KDM6A: variants seen among roughly 807,000 people sequenced by gnomAD.
The protein encoded by KDM6A is lysine demethylase 6A, also known as lysine-specific demethylase 6A.
A neutral mutation model predicts 117.6 loss-of-function variants in KDM6A; 11 were observed. The ratio of observed to expected loss-of-function variants is 0.09; its 90% confidence interval spans 0.06 to 0.15. The LOEUF (loss-of-function observed/expected upper bound fraction) is 0.15, where lower values mean the gene tolerates loss of function less well. Ranked by LOEUF, KDM6A falls within the 10% of genes least tolerant of loss-of-function variation. The pLI is 1.00. For synonymous variants in KDM6A, 384 were observed against 396.1 expected, an observed-to-expected ratio of 0.97 and a Z score of 0.36; for missense variants, 799 against 1,077.3, an observed-to-expected ratio of 0.74 and a Z score of 3.62.
rs2034380332 is a variant in KDM6A, at chrX:44,902,032, G to A, written c.225+28045G>A. On this transcript the variant is annotated intron_variant, in intron 2 of 29. Coordinates refer to ENST00000611820, the MANE Select transcript of KDM6A (RefSeq NM_001291415.2). ...ACCTGAGGTCAGGAGTTTGAGACCA[G>A]CCTGGCCAACATGGCAATACCCCTT... Among the ~76,000 whole-genome samples, 4 of 112,037 alleles carry A rather than the reference G, an allele frequency of 3.6e-5. No individual in the cohort carries two copies. In the Admixed American group the frequency reaches 3.8e-4, roughly 11 times the overall value.
intron 2 of KDM6A, among the ~76,000 whole-genome samples, chrX:44,934,415 A>G (rs1002702242): frequency 8.9e-6 from 1 of 111,745 alleles, no homozygotes; most frequent in Admixed American, 9.5e-5. Flanking sequence ...GGGGTGGGCC[A>G]TTTTGTATGT....
chrX:44,966,869 C>CT (rs1228583337), intron 3 of KDM6A, among the ~76,000 whole-genome samples: 8,127 of 88,874 alleles, frequency 0.091, 561 homozygotes, highest in African/African-American at 0.17. Flanking sequence ...CTCTCTCTCT[C>CT]TTTTTTTTTT....
At chrX:44,932,748 G>A (rs548601343) in intron 2 of KDM6A, among the ~76,000 whole-genome samples, 6 of 111,266 alleles carry the variant, frequency 5.4e-5, no homozygotes, top group African/African-American at 2.0e-4. Flanking sequence ...TTAAGAAAAT[G>A]CTGGTACAGA....
intron 6 of KDM6A, among the ~76,000 whole-genome samples, chrX:45,026,527 A>G (rs1395617623): frequency 1.8e-5 from 2 of 111,166 alleles, no homozygotes; most frequent in African/African-American, 6.6e-5. Flanking sequence ...CATTTGTTTC[A>G]TATAATTAAA....
chrX:44,907,550 G>A (rs1176226569), intron 2 of KDM6A, among the ~76,000 whole-genome samples: 1 of 102,880 alleles, frequency 9.7e-6, no homozygotes, highest in Non-Finnish European at 2.0e-5. Flanking sequence ...GCGCGATCCT[G>A]GCTCACTGCA....
intron 12 of KDM6A, 104 bp from the exon 13 acceptor site, chrX:45,059,918 T>A (rs1029809176): frequency 9.0e-7 from 1 of 1,113,412 alleles, no homozygotes; most frequent in African/African-American, 1.8e-5. Flanking sequence ...TAGAATCTAT[T>A]TTCTTTTAAA....
intron 6 of KDM6A, among the ~76,000 whole-genome samples, chrX:45,021,706 TAAAG>T (rs1196718632): frequency 1.3e-4 from 15 of 111,961 alleles, no homozygotes; most frequent in South Asian, 3.7e-4. Flanking sequence ...CTGATGATGT[TAAAG>T]AGAGAGGGAG....
rs1284829760 is a variant in KDM6A, at chrX:45,110,516, TTAGA to T, written c.4332+272_4332+275del. Among the ~76,000 whole-genome samples, 3 of 111,805 alleles carry T rather than the reference TTAGA, an allele frequency of 2.7e-5. No individual in the cohort carries two copies. The East Asian group carries it at 8.4e-4, about 31-fold the overall frequency. ...TTACATTTAAAAATCTTTGCGTGCT[TTAGA>T]TAGAACACTATCATATCCTTTATGT... On this transcript the variant is annotated intron_variant, in intron 29 of 29. Transcript: ENST00000611820.
At chrX:45,110,029 A>G (rs756864232) in intron 28 of KDM6A, 50 bp from the exon 29 acceptor site, 9 of 1,066,979 alleles carry the variant, frequency 8.4e-6, no homozygotes, top group Non-Finnish European at 1.2e-5. Context: ...AAAGCAGTAC[A>G]GTAAATACCA....
At chrX:44,970,056 G>A (rs2039263011) in intron 3 of KDM6A, among the ~76,000 whole-genome samples, 1 of 112,162 alleles carries the variant, frequency 8.9e-6, no homozygotes, top group Admixed American at 9.4e-5. Flanking sequence ...GAGGTGATGG[G>A]TACTTGCATA....
Position 44,910,311 on chromosome X carries a change from G to A in KDM6A, c.225+36324G>A, listed in dbSNP as rs771997048. ...AAGCAATTCTCCTGCCTCAGCCTCC[G>A]AGTAGCTGGGACTCACAGCCGTATG... On this transcript the variant is annotated intron_variant, in intron 2 of 29. Coordinates refer to ENST00000611820, the MANE Select transcript of KDM6A (RefSeq NM_001291415.2). Among the ~76,000 whole-genome samples the A allele has an allele frequency of 1.7e-4, 19 of 111,368 alleles. No homozygotes were observed. In the East Asian group the frequency reaches 5.1e-3, roughly 30 times the overall value.
intron 13 of KDM6A, 73 bp from the exon 14 acceptor site, chrX:45,060,536 A>G (rs2044249582): frequency 1.2e-6 from 1 of 830,502 alleles, no homozygotes; most frequent in African/African-American, 2.1e-5. Flanking sequence ...GCAGCTTGTA[A>G]AGTTTTATAA....
intron 2 of KDM6A, among the ~76,000 whole-genome samples, chrX:44,902,749 A>G (rs963386301): frequency 1.8e-5 from 2 of 111,920 alleles, no homozygotes; most frequent in African/African-American, 6.5e-5. Flanking sequence ...ACAGAATACT[A>G]CAGACTGGAT....
intron 29 of KDM6A, among the ~76,000 whole-genome samples, chrX:45,111,179 C>G (rs2046755213): frequency 9.0e-6 from 1 of 110,833 alleles, no homozygotes; most frequent in African/African-American, 3.3e-5. Flanking sequence ...TGCAAGTACA[C>G]TGAGTAGGAT....
At chrX:44,958,161 G>T (rs1026994770) in intron 2 of KDM6A, among the ~76,000 whole-genome samples, 9 of 108,965 alleles carry the variant, frequency 8.3e-5, no homozygotes, top group African/African-American at 3.1e-4. Context: ...TCAGGGGAAA[G>T]CATAATAATT....
intron 9 of KDM6A, among the ~76,000 whole-genome samples, chrX:45,053,399 T>A (rs2043942885): frequency 9.0e-6 from 1 of 111,577 alleles, no homozygotes; most frequent in African/African-American, 3.3e-5. Flanking sequence ...GCCACTGTAC[T>A]CCAGCCTGGC....
At chrX:44,925,870 T>C (rs968840799) in intron 2 of KDM6A, among the ~76,000 whole-genome samples, 5 of 111,884 alleles carry the variant, frequency 4.5e-5, no homozygotes, top group African/African-American at 1.6e-4. Context: ...ATGGACCACA[T>C]GTATTTAGGA....
chrX:45,109,164 A>ATAAC (rs2046668134), intron 28 of KDM6A, among the ~76,000 whole-genome samples: 1 of 104,248 alleles, frequency 9.6e-6, no homozygotes, highest in South Asian at 4.3e-4. Context: ...AAATAAATAA[A>ATAAC]TAAATAAAGT....
chrX:44,909,811 G>C (rs982475866), intron 2 of KDM6A, among the ~76,000 whole-genome samples: 1 of 111,770 alleles, frequency 8.9e-6, no homozygotes, highest in African/African-American at 3.3e-5. Context: ...GAGAGAAGTT[G>C]TTGCATGCTA....
Sources: allele counts gnomAD v4.1 joint callset (sites outside exome capture counted in the v4.1 genomes callset), GRCh38; gene constraint gnomAD v4.1.1; transcripts MANE v1.5; gene names NCBI Gene and HGNC (gene_info 2026-07-23, HGNC 2026-07-21).